TM9SF4: variants seen among roughly 807,000 people sequenced by gnomAD.
TM9SF4 encodes dinucleotide oxidase disulfide thiol exchanger 3 superfamily member 4.
In TM9SF4, 26 loss-of-function variants were observed where a neutral mutation model predicts 90.4. That is an observed-to-expected ratio of 0.29 (90% CI 0.21 to 0.40). The LOEUF (loss-of-function observed/expected upper bound fraction) is 0.40. Among genes scored for constraint, TM9SF4 ranks in the 10% least tolerant of loss-of-function variants. The probability of loss-of-function intolerance (pLI) is 1.00; values close to 1 mark genes in which losing one functional copy is unlikely to be tolerated. For missense variants in TM9SF4, 549 were observed against 834.8 expected (o/e 0.66, Z 4.22); for synonymous variants, 293 against 315.4 (o/e 0.93, Z 0.75).
intron 1 of TM9SF4, 48 bp from the exon 2 acceptor site, chr20:32,132,965 T>A: frequency 6.4e-7 from 1 of 1,554,674 alleles, no homozygotes; most frequent in Non-Finnish European, 8.8e-7. Flanking sequence ...TCAGAGGATC[T>A]TCTTCACTTC....
At chr20:32,129,370 G>C (rs2046476784) in intron 1 of TM9SF4, among the ~76,000 whole-genome samples, 1 of 151,918 alleles carries the variant, frequency 6.6e-6, no homozygotes, top group Non-Finnish European at 1.5e-5. Context: ...GCGTGTGCCT[G>C]TGGTCCCAGC....
At chr20:32,116,424 C>G (rs1000559157) in intron 1 of TM9SF4, 2 of 152,300 alleles carry the variant, frequency 1.3e-5, no homozygotes, top group African/African-American at 2.4e-5. Flanking sequence ...GAGAGCAGTA[C>G]GTTTCTGCAC....
intron 12 of TM9SF4, among the ~76,000 whole-genome samples, chr20:32,152,881 T>C (rs1389190753): frequency 1.3e-5 from 2 of 152,214 alleles, no homozygotes; most frequent in Non-Finnish European, 2.9e-5. Context: ...TGTTGTTCTC[T>C]ACATAGGGGT....
At chr20:32,146,744 C>A in intron 8 of TM9SF4, 41 bp from the exon 9 acceptor site, 1 of 1,600,560 alleles carries the variant, frequency 6.2e-7, no homozygotes, top group Non-Finnish European at 8.6e-7. Flanking sequence ...GGCTTGCTGG[C>A]AGCGCCAACT....
At chr20:32,156,937 A>ATTTTTT (rs1244272103) in intron 13 of TM9SF4, among the ~76,000 whole-genome samples, 8 of 63,044 alleles carry the variant, frequency 1.3e-4, no homozygotes, top group African/African-American at 2.1e-4. Flanking sequence ...TTTCCTGGAC[A>ATTTTTT]TTTTCTTTTT....
chr20:32,155,082 A>G, intron 12 of TM9SF4, 21 bp from the exon 13 acceptor site: 1 of 1,611,894 alleles, frequency 6.2e-7, no homozygotes, highest in South Asian at 1.1e-5. Context: ...CTGCTCCTCA[A>G]CCCGGCCCCT....
chr20:32,157,116 T>C (rs939789227), intron 13 of TM9SF4, among the ~76,000 whole-genome samples: 1 of 150,252 alleles, frequency 6.7e-6, no homozygotes, highest in Non-Finnish European at 1.5e-5. Flanking sequence ...CCCGGCTAAT[T>C]TTTTTTTTGT....
Position 32,166,078 on chromosome 20 carries a change from T to A in TM9SF4, c.*634T>A, listed in dbSNP as rs2047094938. 1 of 152,812 alleles carries A rather than the reference T, an allele frequency of 6.5e-6. No individual in the cohort carries two copies. Among genetic ancestry groups the A allele is most frequent in the Non-Finnish European group, 1.5e-5 (1 of 68,430 alleles). 9.5% of individuals were successfully genotyped at this position (152,812 alleles called of 1,614,324 possible). ...TCCAGCCAGGCCTCGGGGTCATCTT[T>A]TCACCAGGAGCAAACCCAAGTCTTA... On this transcript the variant is annotated 3_prime_UTR_variant, in exon 18 of 18. Transcript: ENST00000398022.
chr20:32,162,140 A>T (rs141561631), intron 17 of TM9SF4, among the ~76,000 whole-genome samples: 1 of 152,162 alleles, frequency 6.6e-6, no homozygotes, highest in Non-Finnish European at 1.5e-5. Context: ...TGGGCCCCTC[A>T]CCTCCAAAAC....
At position 32,128,735 on chromosome 20, in the gene TM9SF4, T is replaced by C. The variant is rs117302060; in HGVS notation, c.16-4278T>C. 5.6e-4 allele frequency among the ~76,000 whole-genome samples: 85 copies of C among 152,126 alleles called. No homozygotes were observed. In the East Asian group the frequency reaches 0.015, roughly 27 times the overall value. ...AGATAATAGTCTCCAGTTTCATCCA[T>C]GTTGCTGCAAAAGACATGATTTTAT... On this transcript the variant is annotated intron_variant, in intron 1 of 17. Coordinates refer to ENST00000398022, the MANE Select transcript of TM9SF4 (RefSeq NM_014742.4).
chr20:32,111,579 C>T (rs1387350965), intron 1 of TM9SF4, among the ~76,000 whole-genome samples: 3 of 152,052 alleles, frequency 2.0e-5, no homozygotes, highest in East Asian at 1.9e-4. Context: ...CAAGTAAATA[C>T]GTGAACAAAA....
intron 12 of TM9SF4, among the ~76,000 whole-genome samples, chr20:32,153,977 T>A (rs1056935989): frequency 2.6e-5 from 4 of 152,132 alleles, no homozygotes; most frequent in African/African-American, 9.7e-5. Context: ...GGCCTCAGTG[T>A]CCTCATTAAA....
At position 32,161,357 on chromosome 20, in the gene TM9SF4, G is replaced by A. The variant is rs1370790982; in HGVS notation, c.1771G>A (p.Val591Ile). The change falls in exon 17 of 18, where the codon GTT becomes ATT. Residue 591 changes from valine (V) to isoleucine (I), a missense_variant. Around this residue, in one of 2 missense-constraint regions of TM9SF4, gnomAD observed 54 missense variants for 123.1 expected, o/e 0.44. Transcript: ENST00000398022. ...YVLVYAIFYF[V>I]NKLDIVEFIP... Reference sequence around the variant, plus strand: ...CCTGGTTTATGCCATCTTTTATTTCGTTAACAAGGTACTGCCCTCCTTGAG... The same window carrying A: ...CCTGGTTTATGCCATCTTTTATTTCATTAACAAGGTACTGCCCTCCTTGAG... The A allele has an allele frequency of 5.0e-6, 8 of 1,613,880 alleles. No individual in the cohort carries two copies. Among genetic ancestry groups the A allele is most frequent in the African/African-American group, 4.0e-5 (3 of 75,004 alleles).
intron 1 of TM9SF4, among the ~76,000 whole-genome samples, chr20:32,128,822 GTGTGTA>G (rs770167247): frequency 5.2e-5 from 7 of 135,474 alleles, no homozygotes; most frequent in Admixed American, 3.7e-4. Flanking sequence ...GTGTGTGTGT[GTGTGTA>G]TACATTTATA....
At chr20:32,161,473 A>G in intron 17 of TM9SF4, 108 bp downstream of exon 17, 1 of 1,044,490 alleles carries the variant, frequency 9.6e-7, no homozygotes, top group Non-Finnish European at 1.4e-6. Flanking sequence ...TTCCACCCAG[A>G]ATGGGGAGGA....
At chr20:32,136,212 G>C in intron 3 of TM9SF4, 39 bp downstream of exon 3, 2 of 1,580,320 alleles carry the variant, frequency 1.3e-6, no homozygotes, top group Non-Finnish European at 8.7e-7. Context: ...CTTGTCCCCA[G>C]GGGGAACCCA....
Position 32,150,742 on chromosome 20 carries a change from C to T in TM9SF4, c.1169+39C>T, listed in dbSNP as rs2122440793. ...AGTGGGCTCCCGGGGGCGGCACAGG[C>T]CTCCTCCACACCAGCTAATGGGTCC... On this transcript the variant is annotated intron_variant, in intron 11 of 17. Transcript: ENST00000398022. The T allele has an allele frequency of 1.9e-6, 3 of 1,614,204 alleles. No homozygotes were observed. In the South Asian group the frequency reaches 3.3e-5, roughly 18 times the overall value.
Position 32,158,605 on chromosome 20 carries a change from A to G in TM9SF4, c.1569+91A>G, listed in dbSNP as rs1428589006. ...TGCTCTGCTGCCTACTGCCTGAGAA[A>G]GTTCAGATGGGCCACTTCACCTCTC... On this transcript the variant is annotated intron_variant, in intron 15 of 17. Transcript: ENST00000398022. 3.0e-6 allele frequency: 4 copies of G among 1,341,160 alleles called. No homozygotes were observed. In the African/African-American group the frequency reaches 5.8e-5, roughly 19 times the overall value. The allele number at this position is 1,341,160 out of a possible 1,614,324, so 83.1% of individuals were successfully genotyped here. A position where few individuals can be genotyped will look rare whatever the true frequency, so the allele number is the denominator to read the frequency against.
intron 3 of TM9SF4, among the ~76,000 whole-genome samples, chr20:32,139,094 ATC>A (rs1190544980): frequency 6.6e-6 from 1 of 152,114 alleles, no homozygotes; most frequent in Non-Finnish European, 1.5e-5. Flanking sequence ...CCCTTCCTCA[ATC>A]TCTCCCTCTC....
Sources: allele counts gnomAD v4.1 joint callset (sites outside exome capture counted in the v4.1 genomes callset), GRCh38; gene constraint gnomAD v4.1.1; regional missense constraint gnomAD v4.1.1; transcripts MANE v1.5; gene names NCBI Gene and HGNC (gene_info 2026-07-23, HGNC 2026-07-21).